The following AK8 variants were observed in gnomAD, a reference collection of about 807,000 sequenced individuals.
AK8 encodes adenylate kinase 8.
AK8 carries 44 observed loss-of-function variants against 54.6 expected under a neutral mutation model. That is an observed-to-expected ratio of 0.81 (90% CI 0.63 to 1.04). AK8 has a LOEUF of 1.04. AK8 is among the 50% of genes least tolerant of loss of function. The probability of loss-of-function intolerance (pLI) is 0.00; values close to 1 mark genes in which losing one functional copy is unlikely to be tolerated. For synonymous variants in AK8, 239 were observed against 245.6 expected (o/e 0.97, Z 0.25); for missense variants, 555 against 613.6 (o/e 0.90, Z 1.01).
intron 11 of AK8, among the ~76,000 whole-genome samples, chr9:132,772,179 T>C (rs76552518): frequency 0.033 from 4,988 of 152,232 alleles, 270 homozygotes; most frequent in African/African-American, 0.11. Context: ...CCACCATCAA[T>C]GAGAGGAGTT....
intron 10 of AK8, among the ~76,000 whole-genome samples, chr9:132,813,378 T>C (rs1375460130): frequency 2.6e-5 from 4 of 152,214 alleles, no homozygotes; most frequent in Non-Finnish European, 5.9e-5. Context: ...CCTGTTTTCA[T>C]GTGCTTCCTC....
chr9:132,861,304 ACC>A (rs1169453339), intron 4 of AK8: 1 of 152,074 alleles, frequency 6.6e-6, no homozygotes, highest in Admixed American at 6.5e-5. Context: ...TGCAGCCTGT[ACC>A]CCCTTCCCAG....
At chr9:132,757,290 C>T (rs183574442) in intron 11 of AK8, among the ~76,000 whole-genome samples, 156 of 152,314 alleles carry the variant, frequency 1.0e-3, no homozygotes, top group African/African-American at 3.5e-3. Context: ...GGGCTCCCCC[C>T]GTCACCCTCA....
chr9:132,738,633 T>C (rs1361975740), intron 11 of AK8, among the ~76,000 whole-genome samples: 1 of 152,156 alleles, frequency 6.6e-6, no homozygotes, highest in Admixed American at 6.5e-5. Context: ...TTCAGGGATG[T>C]TTCCCTTGGG....
intron 11 of AK8, among the ~76,000 whole-genome samples, chr9:132,775,671 T>C (rs1839182255): frequency 6.6e-6 from 1 of 152,188 alleles, no homozygotes; most frequent in East Asian, 1.9e-4. Context: ...GCCCTTGCTA[T>C]ATGGCATGAC....
At chr9:132,861,194 G>A (rs1843373732) in intron 4 of AK8, among the ~76,000 whole-genome samples, 2 of 152,186 alleles carry the variant, frequency 1.3e-5, no homozygotes, top group Non-Finnish European at 2.9e-5. Flanking sequence ...GACACTGCCC[G>A]ATTCCAGACC....
At chr9:132,795,361 T>C (rs1840115396) in intron 10 of AK8, among the ~76,000 whole-genome samples, 1 of 152,158 alleles carries the variant, frequency 6.6e-6, no homozygotes, top group Non-Finnish European at 1.5e-5. Context: ...CACTTGGCTC[T>C]TTCCACATTG....
At chr9:132,739,076 A>C (rs572548062) in intron 11 of AK8, among the ~76,000 whole-genome samples, 57 of 152,086 alleles carry the variant, frequency 3.7e-4, no homozygotes, top group African/African-American at 1.3e-3. Context: ...TAATTTAAAA[A>C]ATCAGGTTAT....
chr9:132,830,552 AT>A (rs979833479), intron 5 of AK8, among the ~76,000 whole-genome samples: 4 of 151,412 alleles, frequency 2.6e-5, no homozygotes, highest in Admixed American at 6.6e-5. Context: ...AGCTATTTGG[AT>A]TTTTTTTTCT....
chr9:132,857,137 C>T (rs1226352836), intron 4 of AK8, among the ~76,000 whole-genome samples: 2 of 152,170 alleles, frequency 1.3e-5, no homozygotes, highest in African/African-American at 4.8e-5. Flanking sequence ...ATCCTACCGC[C>T]CCCTTCCCCC....
chr9:132,740,640 C>T (rs1380648072), intron 11 of AK8, among the ~76,000 whole-genome samples: 1 of 152,128 alleles, frequency 6.6e-6, no homozygotes, highest in Non-Finnish European at 1.5e-5. Context: ...CTGGTCGGCT[C>T]CCCGTTTGGA....
At chr9:132,730,791 G>C (rs1481654480) in intron 11 of AK8, among the ~76,000 whole-genome samples, 1 of 152,132 alleles carries the variant, frequency 6.6e-6, no homozygotes. Flanking sequence ...GTGTTGGGTG[G>C]GCTCATCAGA....
intron 5 of AK8, among the ~76,000 whole-genome samples, chr9:132,839,756 G>A (rs887854699): frequency 3.1e-4 from 44 of 141,616 alleles, no homozygotes; most frequent in Admixed American, 1.9e-3. Flanking sequence ...GTCTTAGTCC[G>A]TTTTTGCGGC....
intron 11 of AK8, among the ~76,000 whole-genome samples, chr9:132,729,286 A>G (rs954931892): frequency 3.9e-5 from 6 of 152,224 alleles, no homozygotes; most frequent in Admixed American, 3.3e-4. Context: ...TCCCAGCTGG[A>G]CAGTGATGCT....
intron 10 of AK8, among the ~76,000 whole-genome samples, chr9:132,807,170 T>G (rs1447602596): frequency 6.6e-6 from 1 of 152,096 alleles, no homozygotes; most frequent in Non-Finnish European, 1.5e-5. Flanking sequence ...CTGAACTGCT[T>G]TAGCTGTTGG....
chr9:132,876,462 G>C (rs1844104244), intron 1 of AK8, among the ~76,000 whole-genome samples: 1 of 152,178 alleles, frequency 6.6e-6, no homozygotes, highest in Non-Finnish European at 1.5e-5. Flanking sequence ...TTTAAATGGA[G>C]GTGCAGTAGC....
chr9:132,841,507 T>G (rs1033697822), intron 5 of AK8, among the ~76,000 whole-genome samples: 8 of 152,214 alleles, frequency 5.3e-5, no homozygotes, highest in Admixed American at 5.2e-4. Context: ...AAATGTCTGG[T>G]GCTGGTGACA....
intron 10 of AK8, among the ~76,000 whole-genome samples, chr9:132,811,369 G>A (rs942996236): frequency 3.9e-5 from 6 of 152,348 alleles, no homozygotes; most frequent in Admixed American, 3.9e-4. Context: ...AGAGGGAGGT[G>A]TGATAGCAGA....
intron 11 of AK8, among the ~76,000 whole-genome samples, chr9:132,747,692 A>C (rs1385061884): frequency 6.6e-6 from 1 of 151,012 alleles, no homozygotes; most frequent in Non-Finnish European, 1.5e-5. Context: ...CGGCCTCCCA[A>C]AGTGCTGGGA....
Sources: allele counts gnomAD v4.1 joint callset (sites outside exome capture counted in the v4.1 genomes callset), GRCh38; gene constraint gnomAD v4.1.1; transcripts MANE v1.5; gene names NCBI Gene and HGNC (gene_info 2026-07-23, HGNC 2026-07-21).